The following SLIT3 variants were observed in gnomAD, a reference collection of about 807,000 sequenced individuals.
The protein encoded by SLIT3 is slit guidance ligand 3.
In SLIT3, 68 loss-of-function variants were observed where a neutral mutation model predicts 184.0. That is an observed-to-expected ratio of 0.37 (90% CI 0.30 to 0.45). The LOEUF is 0.45. SLIT3 is among the 20% of genes least tolerant of loss of function. The probability of loss-of-function intolerance (pLI) is 1.00; values close to 1 mark genes in which losing one functional copy is unlikely to be tolerated. For synonymous variants in SLIT3, 831 were observed against 828.6 expected (o/e 1.00, Z -0.05); for missense variants, 1,707 against 2,026.0 (o/e 0.84, Z 3.02).
rs151195949 is a variant in SLIT3 at position 169,034,878 on chromosome 5, C to T, written c.414-151542G>A. Among the ~76,000 whole-genome samples the T allele has an allele frequency of 1.4e-3, 207 of 150,910 alleles. 4 individuals carry two copies. In the East Asian group the frequency reaches 0.039, roughly 29 times the overall value. On this transcript the variant is annotated intron_variant, in intron 4 of 35. Coordinates refer to ENST00000519560, the MANE Select transcript of SLIT3 (RefSeq NM_003062.4). ...CCTCCCACCTCAGCCCCTTAAGTAGCTGGGACTGCAGGTACAAGCCACCAC... is the reference window on the plus strand; with the variant it reads ...CCTCCCACCTCAGCCCCTTAAGTAGTTGGGACTGCAGGTACAAGCCACCAC...
At chr5:168,793,088 G>C (rs567931936) in intron 10 of SLIT3, among the ~76,000 whole-genome samples, 1 of 152,076 alleles carries the variant, frequency 6.6e-6, no homozygotes, top group South Asian at 2.1e-4. Flanking sequence ...AATTCAGAAC[G>C]CTGAAATGTT....
At position 169,011,827 on chromosome 5, in the gene SLIT3, T is replaced by C. The variant is rs913917722; in HGVS notation, c.414-128491A>G. On this transcript the variant is annotated intron_variant, in intron 4 of 35. Coordinates refer to ENST00000519560, the MANE Select transcript of SLIT3 (RefSeq NM_003062.4). ...TTGTTGTTGTTAAGTATGAATCTTG[T>C]AGGAAATAAAGAGTATGATTCTGGG... 2.0e-5 allele frequency among the ~76,000 whole-genome samples: 3 copies of C among 152,312 alleles called. 1 individual carries two copies. Among genetic ancestry groups the C allele is most frequent in the African/African-American group, 4.8e-5 (2 of 41,560 alleles).
intron 26 of SLIT3, among the ~76,000 whole-genome samples, chr5:168,701,229 C>A (rs1178809078): frequency 6.6e-6 from 1 of 152,308 alleles, no homozygotes; most frequent in Non-Finnish European, 1.5e-5. Context: ...TACCATGAGC[C>A]TCACTGAACC....
At chr5:168,914,849 G>A (rs1005274890) in intron 4 of SLIT3, among the ~76,000 whole-genome samples, 6 of 152,132 alleles carry the variant, frequency 3.9e-5, no homozygotes, top group Non-Finnish European at 7.4e-5. Flanking sequence ...CCCCATCTGA[G>A]GATGGAGCCC....
intron 3 of SLIT3, among the ~76,000 whole-genome samples, chr5:169,221,080 G>T (rs897580761): frequency 6.6e-6 from 1 of 152,134 alleles, no homozygotes; most frequent in South Asian, 2.1e-4. Context: ...TAACCCATAG[G>T]GTCCCACTGC....
In SLIT3 at chr5:169,011,724, C is replaced by A. The variant is rs564851274; in HGVS notation, c.414-128388G>T. Among the ~76,000 whole-genome samples, 9 of 152,318 alleles carry A rather than the reference C, an allele frequency of 5.9e-5. No homozygotes were observed. The South Asian group carries it at 1.9e-3, about 32-fold the overall frequency. ...GTCAAAGGGAAGGGAAAACACTCAA[C>A]CACACTTGAAAAGTAACCCGATGTT... is the stretch of plus-strand genomic sequence containing the variant. On this transcript the variant is annotated intron_variant, in intron 4 of 35. Transcript: ENST00000519560.
At chr5:169,052,218 T>C (rs761680897) in intron 4 of SLIT3, among the ~76,000 whole-genome samples, 10 of 152,138 alleles carry the variant, frequency 6.6e-5, no homozygotes, top group Non-Finnish European at 1.5e-5. Context: ...AAAATGAAAT[T>C]CTGTCCCAAG....
intron 4 of SLIT3, among the ~76,000 whole-genome samples, chr5:168,982,712 A>G (rs115228813): frequency 1.2e-3 from 188 of 152,276 alleles, no homozygotes; most frequent in African/African-American, 4.3e-3. Flanking sequence ...CAAAGTTTTT[A>G]TTAATTAAGA....
intron 16 of SLIT3, among the ~76,000 whole-genome samples, chr5:168,759,212 T>C (rs10475890): frequency 0.1 from 15,660 of 152,254 alleles, 953 homozygotes; most frequent in Non-Finnish European, 0.12. Flanking sequence ...CTGGGAACAC[T>C]GCATTAGTGA....
At chr5:169,207,370 TACACAC>T (rs56721949) in intron 3 of SLIT3, among the ~76,000 whole-genome samples, 18,369 of 131,566 alleles carry the variant, frequency 0.14, 1,217 homozygotes, top group Non-Finnish European at 0.18. Context: ...TACACATACA[TACACAC>T]ACACACACAC....
At chr5:169,283,578 G>C (rs1401198835) in intron 1 of SLIT3, among the ~76,000 whole-genome samples, 1 of 152,168 alleles carries the variant, frequency 6.6e-6, no homozygotes, top group Non-Finnish European at 1.5e-5. Flanking sequence ...AAAGGCTGCT[G>C]CTAGGAAGAA....
chr5:169,176,429 T>C (rs2113430492), intron 4 of SLIT3, among the ~76,000 whole-genome samples: 1 of 152,308 alleles, frequency 6.6e-6, no homozygotes, highest in South Asian at 2.1e-4. Context: ...TAATACTTAC[T>C]AGCCACCAGA....
At chr5:168,743,758 T>C (rs13173052) in intron 20 of SLIT3, among the ~76,000 whole-genome samples, 6,738 of 152,270 alleles carry the variant, frequency 0.044, 204 homozygotes, top group Non-Finnish European at 0.067. Context: ...AAAAAGTTCT[T>C]GAAGAAAATT....
At chr5:168,719,025 T>G (rs1228185845) in intron 23 of SLIT3, among the ~76,000 whole-genome samples, 3 of 152,360 alleles carry the variant, frequency 2.0e-5, no homozygotes, top group Non-Finnish European at 4.4e-5. Flanking sequence ...GTTGTAAATA[T>G]GTTACCATCT....
At chr5:168,673,500 T>C (rs1761318393) in intron 32 of SLIT3, among the ~76,000 whole-genome samples, 169 bp from the exon 33 acceptor site, 2 of 152,214 alleles carry the variant, frequency 1.3e-5, no homozygotes, top group South Asian at 4.1e-4. Flanking sequence ...CAGAAGATGC[T>C]TATTACCCAG....
At chr5:168,770,108 G>A (rs971707595) in intron 14 of SLIT3, among the ~76,000 whole-genome samples, 15 of 152,168 alleles carry the variant, frequency 9.9e-5, no homozygotes, top group African/African-American at 3.1e-4. Flanking sequence ...CCCAGGGATG[G>A]GCTTGGGGTC....
chr5:168,877,924 C>T (rs546035078), intron 5 of SLIT3, among the ~76,000 whole-genome samples: 31 of 152,074 alleles, frequency 2.0e-4, no homozygotes, highest in African/African-American at 6.7e-4. Flanking sequence ...TGGATTGTGG[C>T]CTGTCATCTC....
At chr5:168,699,814 C>CTAG (rs2113280303) in intron 27 of SLIT3, among the ~76,000 whole-genome samples, 1 of 152,288 alleles carries the variant, frequency 6.6e-6, no homozygotes, top group East Asian at 1.9e-4. Context: ...TAGTTGGTAC[C>CTAG]TGGCATAGTG....
chr5:168,834,895 A>G (rs1450065661), intron 6 of SLIT3, among the ~76,000 whole-genome samples: 1 of 152,102 alleles, frequency 6.6e-6, no homozygotes, highest in African/African-American at 2.4e-5. Flanking sequence ...CCCTGTCCAG[A>G]CAGGGTACCC....
Sources: gnomAD v4.1 joint callset for allele counts (sites outside exome capture counted in the v4.1 genomes callset) on GRCh38, gnomAD v4.1.1 for gene constraint, MANE v1.5 for transcripts, NCBI Gene and HGNC (gene_info 2026-07-23, HGNC 2026-07-21) for gene names.